KLHDC4: variants seen among roughly 807,000 people sequenced by gnomAD.
The protein encoded by KLHDC4 is kelch domain containing 4, also known as kelch domain-containing protein 4.
Under a neutral mutation model 62.4 loss-of-function variants are expected in KLHDC4, and 90 were observed. The observed-to-expected ratio is 1.44, with a 90% CI of 1.22 to 1.72. The LOEUF (loss-of-function observed/expected upper bound fraction) is 1.72, where lower values mean the gene tolerates loss of function less well. Ranked by LOEUF, KLHDC4 falls within the 40% of genes most tolerant of loss-of-function variation. The pLI, the probability that KLHDC4 is intolerant of heterozygous loss-of-function variation, is 0.00. For missense variants in KLHDC4, 1,025 were observed against 699.7 expected, an observed-to-expected ratio of 1.47 and a Z score of -5.25; for synonymous variants, 386 against 284.4, an observed-to-expected ratio of 1.36 and a Z score of -3.59.
At chr16:87,726,175 C>G (rs72812205) in intron 7 of KLHDC4, among the ~76,000 whole-genome samples, 9,100 of 147,298 alleles carry the variant, frequency 0.062, 461 homozygotes, top group Non-Finnish European at 0.087. Context: ...TATTTTCCCA[C>G]GCCGCAACTC....
chr16:87,733,614 C>G, intron 5 of KLHDC4, among the ~76,000 whole-genome samples: 1 of 149,680 alleles, frequency 6.7e-6, no homozygotes, highest in African/African-American at 2.5e-5. Context: ...GAATCCACTC[C>G]CTGGGATCCT....
At chr16:87,736,368 C>G (rs555842756) in intron 5 of KLHDC4, among the ~76,000 whole-genome samples, 1 of 152,150 alleles carries the variant, frequency 6.6e-6, no homozygotes, top group Non-Finnish European at 1.5e-5. Flanking sequence ...TGAGGCAGCC[C>G]GACAGCAGGA....
chr16:87,725,018 G>C (rs1036667552), intron 7 of KLHDC4, among the ~76,000 whole-genome samples: 2 of 152,214 alleles, frequency 1.3e-5, no homozygotes, highest in Admixed American at 6.5e-5. Flanking sequence ...ACTTCAGCAC[G>C]AAGCAGCAAT....
At chr16:87,706,343 C>T (rs534368533), downstream of KLHDC4, among the ~76,000 whole-genome samples, 69 of 123,454 alleles carry the variant, frequency 5.6e-4, 2 homozygotes, top group Middle Eastern at 0.024. Context: ...GGGAAGTTGG[C>T]GCAATGCAAA....
chr16:87,734,078 GC>G (rs1305592595), intron 5 of KLHDC4, among the ~76,000 whole-genome samples: 25 of 152,362 alleles, frequency 1.6e-4, no homozygotes, highest in African/African-American at 5.8e-4. Flanking sequence ...GGGCGCGGTG[GC>G]TCACGCCTGT....
chr16:87,738,238 C>T lies in KLHDC4; in HGVS notation c.507-7594G>A, dbSNP rs1044218178. Among the ~76,000 whole-genome samples the T allele has an allele frequency of 5.3e-5, 8 of 152,150 alleles. No individual in the cohort carries two copies. The East Asian group carries it at 7.7e-4, about 15-fold the overall frequency. On this transcript the variant is annotated intron_variant, in intron 5 of 11. Coordinates refer to ENST00000270583, the MANE Select transcript of KLHDC4 (RefSeq NM_017566.4). ...TCGTAAAGTAACGGAATCATCCTGCCGAGGAGCCTTCTCCAGGAAACTGAC... is the reference window on the plus strand; with the variant it reads ...TCGTAAAGTAACGGAATCATCCTGCTGAGGAGCCTTCTCCAGGAAACTGAC...
intron 4 of KLHDC4, among the ~76,000 whole-genome samples, chr16:87,750,688 G>C (rs1366997054): frequency 6.6e-6 from 1 of 152,228 alleles, no homozygotes; most frequent in Non-Finnish European, 1.5e-5. Flanking sequence ...CGGCACCTCT[G>C]AGTCGGTGTT....
At chr16:87,757,761 G>T (rs1467239669) in intron 2 of KLHDC4, among the ~76,000 whole-genome samples, 1 of 151,850 alleles carries the variant, frequency 6.6e-6, no homozygotes, top group Non-Finnish European at 1.5e-5. Flanking sequence ...GCATGGTGGT[G>T]GGCACCTGTA....
chr16:87,765,198 G>C (rs1275727910), intron 1 of KLHDC4: 2 of 456,072 alleles, frequency 4.4e-6, no homozygotes, highest in Non-Finnish European at 8.8e-6. Context: ...TCCTCCTGCA[G>C]ACCCCGGGCT....
At chr16:87,765,739 C>A in intron 1 of KLHDC4, 53 bp downstream of exon 1, 3 of 1,510,140 alleles carry the variant, frequency 2.0e-6, no homozygotes, top group Non-Finnish European at 1.8e-6. Context: ...GGGAGTCGGC[C>A]GAGGCTGCAC....
chr16:87,730,888 A>G (rs558812040), intron 5 of KLHDC4: 15 of 386,404 alleles, frequency 3.9e-5, no homozygotes, highest in African/African-American at 2.8e-4. Flanking sequence ...CTTGGACTGC[A>G]TAAAGATTTC....
rs116753131 is a variant in KLHDC4, at chr16:87,738,071, G to C, written c.507-7427C>G. On this transcript the variant is annotated intron_variant, in intron 5 of 11. Coordinates refer to ENST00000270583, the MANE Select transcript of KLHDC4 (RefSeq NM_017566.4). ...GACCCCAGGTTACTGTGGAGTCAGA[G>C]AGCTTCAGACCATGCAACCCAACCC... is the stretch of plus-strand genomic sequence containing the variant. 4.7e-3 allele frequency among the ~76,000 whole-genome samples: 710 copies of C among 152,298 alleles called. 8 individuals carry two copies. Among genetic ancestry groups the C allele is most frequent in the African/African-American group, 0.016 (665 of 41,556 alleles).
chr16:87,748,219 A>C (rs1478898574), intron 5 of KLHDC4, among the ~76,000 whole-genome samples: 1 of 152,220 alleles, frequency 6.6e-6, no homozygotes, highest in African/African-American at 2.4e-5. Context: ...AGCAGGGTTC[A>C]CTGAAGAGAA....
chr16:87,733,286 T>C (rs1022323779), intron 5 of KLHDC4, among the ~76,000 whole-genome samples: 3 of 152,248 alleles, frequency 2.0e-5, no homozygotes, highest in Non-Finnish European at 4.4e-5. Context: ...CAGGCGTGAC[T>C]TTCACAACCA....
At chr16:87,736,443 G>A (rs2041324590) in intron 5 of KLHDC4, among the ~76,000 whole-genome samples, 1 of 152,186 alleles carries the variant, frequency 6.6e-6, no homozygotes, top group South Asian at 2.1e-4. Context: ...CCGGATCCCT[G>A]AGAGTCTAGT....
chr16:87,752,160 T>A (rs1043385842), intron 4 of KLHDC4, among the ~76,000 whole-genome samples: 1 of 134,758 alleles, frequency 7.4e-6, no homozygotes, highest in Non-Finnish European at 1.5e-5. Context: ...TAATCCCAGC[T>A]CTCAGGGAAG....
At position 87,748,716 on chromosome 16, in the gene KLHDC4, G is replaced by T; in HGVS notation, c.463C>A (p.Leu155Ile). 13 of 1,613,564 alleles carry T rather than the reference G, an allele frequency of 8.1e-6. No individual in the cohort carries two copies. The highest frequency in any genetic ancestry group is 1.1e-5 in the Non-Finnish European group (13 of 1,179,942). Residue 155 changes from leucine to isoleucine, a missense_variant, in exon 5 of 12, where the codon CTC becomes ATC. Coordinates refer to ENST00000270583, the MANE Select transcript of KLHDC4 (RefSeq NM_017566.4). ...TTGGTGGCCAAATGCAGGACCCAGA[G>T]ATCCTTGTAGTGGTAGAACTGCTCT... Reference protein sequence around the residue: ...NGEQFYHYKDLWVLHLATKTW... With the variant: ...NGEQFYHYKDIWVLHLATKTW...
At chr16:87,764,124 A>G (rs947695724) in intron 1 of KLHDC4, among the ~76,000 whole-genome samples, 2 of 152,216 alleles carry the variant, frequency 1.3e-5, no homozygotes, top group Non-Finnish European at 2.9e-5. Context: ...AAAGAATGGG[A>G]TACCACTCTT....
chr16:87,714,363 CAT>C, intron 8 of KLHDC4, 133 bp downstream of exon 8: 1 of 899,220 alleles, frequency 1.1e-6, no homozygotes, highest in Non-Finnish European at 1.5e-6. Flanking sequence ...CGAAATGAGC[CAT>C]CTCGGCAGGC....
Sources: allele counts gnomAD v4.1 joint callset (sites outside exome capture counted in the v4.1 genomes callset), GRCh38; gene constraint gnomAD v4.1.1; transcripts MANE v1.5; gene names NCBI Gene and HGNC (gene_info 2026-07-23, HGNC 2026-07-21).